Variants in CDH16 observed in about 807,000 individuals in gnomAD.
CDH16 encodes cadherin 16, also known as cadherin-16.
In CDH16, 79 loss-of-function variants were observed where a neutral mutation model predicts 87.6. The ratio of observed to expected loss-of-function variants is 0.90; its 90% CI spans 0.75 to 1.09. CDH16 has a LOEUF of 1.09. Among genes scored for constraint, CDH16 ranks in the 50% least tolerant of loss-of-function variants. CDH16 has a pLI of 0.00. For missense variants in CDH16, 1,124 were observed against 1,071.7 expected (o/e 1.05, Z -0.68); for synonymous variants, 457 against 439.5 (o/e 1.04, Z -0.50).
In CDH16 at chr16:66,908,482, G is replaced by A. The variant is rs1442793721; in HGVS notation, c.2400C>T (p.Phe800=). 2.5e-6 allele frequency: 4 copies of A among 1,613,648 alleles called. No homozygotes were observed. Among genetic ancestry groups the A allele is most frequent in the East Asian group, 2.2e-5 (1 of 44,900 alleles). The part of the protein sequence containing the change: ...LVGTLVAIGI[F]LILIFTHWTM... ...TCCAGTGGGTGAAAATGAGGATGAG[G>A]AAGATTCCTGTGGGGCCCAAGAGGG... Residue 800 remains phenylalanine, a synonymous_variant, in exon 18 of 18, where the codon TTC becomes TTT. Transcript: ENST00000299752.
Position 66,915,546 on chromosome 16 carries a change from C to T in CDH16, c.425-168G>A. 7 of 703,636 alleles carry T rather than the reference C, an allele frequency of 9.9e-6. No individual in the cohort carries two copies. In the South Asian group the frequency reaches 1.4e-4, roughly 14 times the overall value. 43.6% of individuals were successfully genotyped at this position (703,636 alleles called of 1,614,324 possible). ...ACTTCCCAGATGAGCAAACTGAAGC[C>T]AAGAATGGATGGCACCCTCAGTGGA... On this transcript the variant is annotated intron_variant, in intron 5 of 17. Coordinates refer to ENST00000299752, the MANE Select transcript of CDH16 (RefSeq NM_004062.4).
rs368224822 is a variant in CDH16, at chr16:66,917,770, G to A, written c.46-45C>T. ...TTGTCACCAGGCTCTATCTTCCTGC[G>A]TGGGCACTGAGACCCAACAGAAGAG... On this transcript the variant is annotated intron_variant, in intron 2 of 17. Coordinates refer to ENST00000299752, the MANE Select transcript of CDH16 (RefSeq NM_004062.4). 1.9e-5 allele frequency: 29 copies of A among 1,510,688 alleles called. No homozygotes were observed. The African/African-American group carries it at 2.7e-4, about 14-fold the overall frequency. 93.6% of individuals were successfully genotyped at this position (1,510,688 alleles called of 1,614,324 possible). A position where few individuals can be genotyped will look rare whatever the true frequency, so the allele number is the denominator to read the frequency against.
chr16:66,908,529 G>T (rs749922759), intron 17 of CDH16, 40 bp from the exon 18 acceptor site: 2 of 1,491,134 alleles, frequency 1.3e-6, no homozygotes, highest in African/African-American at 1.4e-5. Context: ...CTCAGAAGGG[G>T]CTGTGGGACT....
At position 66,910,409 on chromosome 16, in the gene CDH16, T is replaced by C; in HGVS notation, c.2018A>G (p.Gln673Arg). The change falls in exon 15 of 18, where the codon CAA becomes CGA. Residue 673 changes from glutamine (Q) to arginine (R), a missense_variant. Physicochemically the swap from Gln to Arg is conservative, Grantham distance 43 (BLOSUM62 1). Coordinates refer to ENST00000299752, the MANE Select transcript of CDH16 (RefSeq NM_004062.4). ...GTCTTGGCGGGGTGTGCAGAGGTAT[T>C]GGGAGGGCACAGGGGCAAGAGTCAG... The part of the protein sequence containing the change: ...PALTLAPVPS[Q>R]YLCTPRQDHG... 1.2e-6 allele frequency: 2 copies of C among 1,610,380 alleles called. No homozygotes were observed. The highest frequency in any genetic ancestry group is 8.5e-7 in the Non-Finnish European group (1 of 1,177,976).
rs368492068 is a variant in CDH16 at position 66,912,390 on chromosome 16, G to T, written c.1400C>A (p.Thr467Asn). 7 of 1,614,112 alleles carry T rather than the reference G, an allele frequency of 4.3e-6. No individual in the cohort carries two copies. The highest frequency in any genetic ancestry group is 1.1e-5 in the South Asian group (1 of 91,086). The change falls in exon 12 of 18, where the codon ACT (threonine) becomes AAT (asparagine). Residue 467 changes from threonine to asparagine, a missense_variant. Coordinates refer to ENST00000299752, the MANE Select transcript of CDH16 (RefSeq NM_004062.4). ...ISLPEDVEPG[T>N]LVAMLTAIDA... ...AATGGCTGTTAGCATGGCCACCAGA[G>T]TCCCGGGCTCCACATCCTCAGGGAG...
At position 66,909,333 on chromosome 16, in the gene CDH16, G is replaced by A. The variant is rs1490162866; in HGVS notation, c.2326C>T (p.Arg776Cys). Reference sequence around the variant, plus strand: ...AGCTTCGTGGGCATGCCCTTCATGCGGCCCACCTTGCGCATGCACTGCCCC... The same window carrying A: ...AGCTTCGTGGGCATGCCCTTCATGCAGCCCACCTTGCGCATGCACTGCCCC... ...VEGQCMRKVG[R>C]MKGMPTKLSA... The change falls in exon 17 of 18, where the codon CGC becomes TGC. Residue 776 changes from arginine to cysteine, a missense_variant. Coordinates refer to ENST00000299752, the MANE Select transcript of CDH16 (RefSeq NM_004062.4). This position sits in a 1 kb window ranked among gnomAD's most constrained non-coding sequence, Gnocchi z 4.1. 2.5e-6 allele frequency: 4 copies of A among 1,613,560 alleles called. No individual in the cohort carries two copies. Among genetic ancestry groups the A allele is most frequent in the South Asian group, 1.1e-5 (1 of 91,070 alleles).
At chr16:66,908,627 T>G in intron 17 of CDH16, 138 bp from the exon 18 acceptor site, 2 of 730,918 alleles carry the variant, frequency 2.7e-6, no homozygotes, top group South Asian at 1.6e-5. Flanking sequence ...GGGCTGGGTA[T>G]GACTCTGTGG....
Position 66,915,359 on chromosome 16 carries a change from A to C in CDH16, c.444T>G (p.Leu148=), listed in dbSNP as rs748968265. ...GTRPGIPFLF[L]EASDRDEPGT... ...CTGGCTCATCCCGGTCTGAAGCCTC[A>C]AGGAAGAGGAAGGGGATGCCTGGTT... Residue 148 remains leucine, a synonymous_variant, in exon 6 of 18, where the codon CTT becomes CTG. Coordinates refer to ENST00000299752, the MANE Select transcript of CDH16 (RefSeq NM_004062.4). 1 of 1,613,494 alleles carries C rather than the reference A, an allele frequency of 6.2e-7. No individual in the cohort carries two copies. The highest frequency in any genetic ancestry group is 8.5e-7 in the Non-Finnish European group (1 of 1,179,822).
At chr16:66,908,620 C>A (rs1332105074) in intron 17 of CDH16, 131 bp from the exon 18 acceptor site, 2 of 741,272 alleles carry the variant, frequency 2.7e-6, no homozygotes, top group African/African-American at 3.5e-5. Context: ...TGAGGCTGGG[C>A]TGGGTATGAC....
At position 66,915,295 on chromosome 16, in the gene CDH16, G is replaced by A. The variant is rs963252519; in HGVS notation, c.508C>T (p.Gln170Ter). ...TCTGGGGAAGGCTGGGCTGGAGCCT[G>A]GCTCAGGATGTGGAATCGAAGATCC... ...NSDLRFHILS[Q>*]APAQPSPDMF... Residue 170 changes from glutamine to a stop codon, truncating the protein, a stop_gained, in exon 6 of 18, where the codon CAG (glutamine) becomes TAG (stop). Coordinates refer to ENST00000299752, the MANE Select transcript of CDH16 (RefSeq NM_004062.4). LOFTEE classifies it high-confidence loss of function. The A allele has an allele frequency of 1.2e-6, 2 of 1,614,044 alleles. No homozygotes were observed. Among genetic ancestry groups the A allele is most frequent in the African/African-American group, 1.3e-5 (1 of 75,038 alleles).
chr16:66,912,833 G>A lies in CDH16; in HGVS notation c.1113C>T (p.Ser371=). The A allele has an allele frequency of 6.2e-7, 1 of 1,613,644 alleles. No homozygotes were observed. Among genetic ancestry groups the A allele is most frequent in the Non-Finnish European group, 8.5e-7 (1 of 1,180,030 alleles). ...EDADAPGSPN[S]HVVYQLLSPE... is the part of the protein sequence containing the mutation. ...GGCTCAGGAGCTGATACACAACGTGGGAATTGGGGGAGCCGGGGGCATCTG... is the reference window on the plus strand; with the variant it reads ...GGCTCAGGAGCTGATACACAACGTGAGAATTGGGGGAGCCGGGGGCATCTG... The change falls in exon 10 of 18, where the codon TCC becomes TCT. Residue 371 remains serine, a synonymous_variant. Coordinates refer to ENST00000299752, the MANE Select transcript of CDH16 (RefSeq NM_004062.4).
intron 14 of CDH16, 76 bp from the exon 15 acceptor site, chr16:66,910,578 C>T (rs936418334): frequency 6.2e-5 from 86 of 1,396,712 alleles, no homozygotes; most frequent in Non-Finnish European, 7.1e-5. Context: ...GGGCTGCTCC[C>T]GCAGCCCATG....
At chr16:66,908,964 G>C (rs1465598877) in intron 17 of CDH16, among the ~76,000 whole-genome samples, 3 of 152,184 alleles carry the variant, frequency 2.0e-5, no homozygotes, top group Non-Finnish European at 2.9e-5. Flanking sequence ...TAACCTCTCT[G>C]AGCCTCAATG....
At position 66,916,499 on chromosome 16, in the gene CDH16, G is replaced by T; in HGVS notation, c.130-70C>A. 6.7e-7 allele frequency: 1 copy of T among 1,482,190 alleles called. No homozygotes were observed. Among genetic ancestry groups the T allele is most frequent in the Non-Finnish European group, 9.0e-7 (1 of 1,113,302 alleles). 91.8% of individuals were successfully genotyped at this position (1,482,190 alleles called of 1,614,324 possible). ...GGAGATGCCCCTCCTCCACCTGATG[G>T]CCTCATTTTACATGTGGGGAAACTG... is the stretch of plus-strand genomic sequence containing the variant. On this transcript the variant is annotated intron_variant, in intron 3 of 17. Coordinates refer to ENST00000299752, the MANE Select transcript of CDH16 (RefSeq NM_004062.4). The surrounding 1 kb of genome is among the most constrained non-coding windows in gnomAD (Gnocchi z 4.1).
chr16:66,915,408 G>A, intron 5 of CDH16, 30 bp from the exon 6 acceptor site: 7 of 1,605,434 alleles, frequency 4.4e-6, no homozygotes, highest in Admixed American at 1.7e-5. Context: ...CAAACTGTAA[G>A]GGATAGAGAG....
At position 66,910,377 on chromosome 16, in the gene CDH16, AGCCATGGTCTTG is replaced by A. The variant is rs749665091; in HGVS notation, c.2038_2049del (p.Gln680_Gly683del). On this transcript the variant is annotated inframe_deletion, in exon 15 of 18. Transcript: ENST00000299752. The stretch of plus-strand genomic sequence containing the variant: ...TCCTTGCTGGGTCCACTCACGATCA[AGCCATGGTCTTG>A]GCGGGGTGTGCAGAGGTATTGGGAG... 1.2e-6 allele frequency: 2 copies of A among 1,613,744 alleles called. No individual in the cohort carries two copies. Among genetic ancestry groups the A allele is most frequent in the South Asian group, 2.2e-5 (2 of 90,984 alleles).
At chr16:66,914,462 C>T in intron 6 of CDH16, 50 bp from the exon 7 acceptor site, 1 of 1,392,084 alleles carries the variant, frequency 7.2e-7, no homozygotes, top group Non-Finnish European at 1.0e-6. Context: ...GAGCAGGGGC[C>T]AGGGCATCAT....
Position 66,913,295 on chromosome 16 carries a change from T to A in CDH16, c.904-14A>T. 1 of 1,546,084 alleles carries A rather than the reference T, an allele frequency of 6.5e-7. No individual in the cohort carries two copies. Among genetic ancestry groups the A allele is most frequent in the South Asian group, 1.3e-5 (1 of 79,490 alleles). ...CTGGAGCAGGTACTGCGGTGGGCAG[T>A]AGGGGGCTTCAGGTCAGGACCAAGG... is the stretch of plus-strand genomic sequence containing the variant. On this transcript the variant is annotated splice_polypyrimidine_tract_variant and intron_variant, in intron 8 of 17. Transcript: ENST00000299752.
chr16:66,915,087 T>C (rs1266038044), intron 6 of CDH16, 133 bp downstream of exon 6: 2 of 826,246 alleles, frequency 2.4e-6, no homozygotes, highest in Non-Finnish European at 3.8e-6. Context: ...GCCTTGTTGC[T>C]GTCTCCACCT....
Sources: gnomAD v4.1 joint callset for allele counts (sites outside exome capture counted in the v4.1 genomes callset) on GRCh38, gnomAD v4.1.1 for gene constraint, Gnocchi (gnomAD v3.1) non-coding constraint, MANE v1.5 for transcripts, NCBI Gene and HGNC (gene_info 2026-07-23, HGNC 2026-07-21) for gene names.